Variants in STRIP2 observed in about 807,000 individuals in gnomAD.
The protein encoded by STRIP2 is striatin-interacting protein 2.
STRIP2 carries 84 observed loss-of-function variants against 107.1 expected under a neutral mutation model. That is an observed-to-expected ratio of 0.78 (90% CI 0.66 to 0.94). The LOEUF (loss-of-function observed/expected upper bound fraction) is 0.94, where lower values mean the gene tolerates loss of function less well. STRIP2 is among the 40% of genes least tolerant of loss of function. The probability of loss-of-function intolerance (pLI) is 0.00; values close to 1 mark genes in which losing one functional copy is unlikely to be tolerated. For missense variants in STRIP2, 888 were observed against 1,034.2 expected (o/e 0.86, Z 1.94); for synonymous variants, 394 against 400.4 (o/e 0.98, Z 0.19).
At position 129,470,657 on chromosome 7, in the gene STRIP2, T is replaced by A. The variant is rs61746947; in HGVS notation, c.1886T>A (p.Val629Asp). 48,211 of 1,613,548 alleles carry A rather than the reference T, an allele frequency of 0.03. 1,007 individuals are homozygous for A. Among genetic ancestry groups the A allele is most frequent in the Non-Finnish European group, 0.033 (39,143 of 1,179,464 alleles). The change falls in exon 18 of 21, where the codon GTC (valine) becomes GAC (aspartate). Residue 629 changes from valine to aspartate, a missense_variant. Physicochemically the swap from Val to Asp is radical, Grantham distance 152. Transcript: ENST00000249344. ...ATCTCTGCATCTTACAGCATCTCAG[T>A]CCTGGATTATCCTTGCTGTACCATC... ...SYITAKNSIS[V>D]LDYPCCTIQD...
chr7:129,458,655 T>C lies in STRIP2; in HGVS notation c.1275-57T>C, dbSNP rs1798437597. On this transcript the variant is annotated intron_variant, in intron 10 of 20. Coordinates refer to ENST00000249344, the MANE Select transcript of STRIP2 (RefSeq NM_020704.3). This position sits in a 1 kb window ranked among gnomAD's most constrained non-coding sequence, Gnocchi z 4.6. ...GATAGGAGCCCGGAAAGTTTTTCTC[T>C]CTCAAAGTTTGCTTTTCTTCCCTTC... 6.2e-7 allele frequency: 1 copy of C among 1,601,014 alleles called. No individual in the cohort carries two copies. The highest frequency in any genetic ancestry group is 1.1e-5 in the South Asian group (1 of 90,546).
chr7:129,461,100 G>A lies in STRIP2; in HGVS notation c.1476+728G>A, dbSNP rs576731843. Among the ~76,000 whole-genome samples, 2 of 152,338 alleles carry A rather than the reference G, an allele frequency of 1.3e-5. No individual in the cohort carries two copies. Among genetic ancestry groups the A allele is most frequent in the South Asian group, 4.1e-4 (2 of 4,826 alleles). Reference sequence around the variant, plus strand: ...AATAGTCAAGGTGAGAGATGATGCCGACCTGGATTTGGAGATGTAGCTGAC... The same window carrying A: ...AATAGTCAAGGTGAGAGATGATGCCAACCTGGATTTGGAGATGTAGCTGAC... On this transcript the variant is annotated intron_variant, in intron 13 of 20. Coordinates refer to ENST00000249344, the MANE Select transcript of STRIP2 (RefSeq NM_020704.3). The surrounding 1 kb of genome is among the most constrained non-coding windows in gnomAD (Gnocchi z 4.0).
chr7:129,458,353 G>C lies in STRIP2; in HGVS notation c.1177G>C (p.Glu393Gln), dbSNP rs1584950931. 6.2e-7 allele frequency: 1 copy of C among 1,614,158 alleles called. No individual in the cohort carries two copies. The highest frequency in any genetic ancestry group is 1.7e-4 in the Middle Eastern group (1 of 6,060). The change falls in exon 10 of 21, where the codon GAG becomes CAG. Residue 393 changes from glutamate (E) to glutamine (Q), a missense_variant. Transcript: ENST00000249344. This position sits in a 1 kb window ranked among gnomAD's most constrained non-coding sequence, Gnocchi z 4.6. ...CTTGGATGGAGAGCTAGACCTGCTA[G>C]AGCAGGACCCTCTGGTGCCACCTCC... The part of the protein sequence containing the change: ...RTLDGELDLL[E>Q]QDPLVPPPPS...
At chr7:129,478,297 G>A (rs1799024218) in intron 18 of STRIP2, among the ~76,000 whole-genome samples, 2 of 152,174 alleles carry the variant, frequency 1.3e-5, no homozygotes, top group African/African-American at 4.8e-5. Flanking sequence ...ATCACCTGAG[G>A]TCAGGAGTTC....
intron 17 of STRIP2, among the ~76,000 whole-genome samples, chr7:129,469,099 T>C (rs1798735608): frequency 6.6e-6 from 1 of 152,232 alleles, no homozygotes; most frequent in Non-Finnish European, 1.5e-5. Flanking sequence ...AGATCAACTG[T>C]GGCTAGGGGA....
At chr7:129,444,785 A>T (rs879688034) in intron 3 of STRIP2, among the ~76,000 whole-genome samples, 1 of 152,186 alleles carries the variant, frequency 6.6e-6, no homozygotes, top group Non-Finnish European at 1.5e-5. Context: ...TACAACTGGA[A>T]ACTCACCAAT....
intron 1 of STRIP2, 110 bp downstream of exon 1, chr7:129,434,711 C>T: frequency 7.9e-7 from 1 of 1,271,244 alleles, no homozygotes; most frequent in Non-Finnish European, 1.0e-6. Flanking sequence ...CTCGATCAGC[C>T]CCGCGCAGTG....
intron 18 of STRIP2, 52 bp downstream of exon 18, chr7:129,470,767 G>C (rs530113446): frequency 1.3e-6 from 2 of 1,499,382 alleles, no homozygotes; most frequent in African/African-American, 2.7e-5. Context: ...AGCACAGGTT[G>C]GCATTTGCTC....
chr7:129,445,717 G>A (rs1262683506), intron 3 of STRIP2, among the ~76,000 whole-genome samples: 1 of 152,206 alleles, frequency 6.6e-6, no homozygotes, highest in African/African-American at 2.4e-5. Context: ...GCTTCAGGAT[G>A]ATGGGGAACA....
intron 2 of STRIP2, 126 bp from the exon 3 acceptor site, chr7:129,443,898 C>A: frequency 2.8e-6 from 2 of 723,772 alleles, no homozygotes; most frequent in South Asian, 3.2e-5. Flanking sequence ...AAGGAGGAAG[C>A]TAGCTTTGGA....
At chr7:129,470,544 T>C in intron 17 of STRIP2, 105 bp from the exon 18 acceptor site, 1 of 924,654 alleles carries the variant, frequency 1.1e-6, no homozygotes, top group Admixed American at 1.9e-5. Flanking sequence ...ATTTGGGAAA[T>C]GGATAGGGGC....
Position 129,464,657 on chromosome 7 carries a change from G to C in STRIP2, c.1695G>C (p.Arg565Ser). 1 of 1,613,986 alleles carries C rather than the reference G, an allele frequency of 6.2e-7. No individual in the cohort carries two copies. Among genetic ancestry groups the C allele is most frequent in the Non-Finnish European group, 8.5e-7 (1 of 1,179,946 alleles). Residue 565 changes from arginine to serine, a missense_variant, in exon 16 of 21, where the codon AGG (arginine) becomes AGC (serine). Physicochemically the swap from Arg to Ser is moderately radical, Grantham distance 110. Transcript: ENST00000249344. ...TGAAGCTGGGCATCGATGTGAACAG[G>C]CACAAGGAGATTATTGTAAAGAGTA... ...QSMKLGIDVN[R>S]HKEIIVKSIS...
intron 18 of STRIP2, among the ~76,000 whole-genome samples, chr7:129,474,229 C>T (rs554539050): frequency 5.3e-5 from 8 of 151,820 alleles, no homozygotes; most frequent in Non-Finnish European, 1.0e-4. Context: ...CAGTCTTGAC[C>T]TCCCAGGGTC....
rs1350987463 is a variant in STRIP2 at position 129,486,010 on chromosome 7, A to G, written c.*181A>G. 2 of 644,916 alleles carry G rather than the reference A, an allele frequency of 3.1e-6. No individual in the cohort carries two copies. Among genetic ancestry groups the G allele is most frequent in the African/African-American group, 3.6e-5 (2 of 54,804 alleles). 39.9% of individuals were successfully genotyped at this position (644,916 alleles called of 1,614,324 possible). ...AAAATGATCAACTTGCCCTGGGGTC[A>G]GTTGGGTGCCCAGTTGGCCTTGGAA... On this transcript the variant is annotated 3_prime_UTR_variant, in exon 21 of 21. Transcript: ENST00000249344.
chr7:129,457,993 T>A, intron 9 of STRIP2: 1 of 582,240 alleles, frequency 1.7e-6, no homozygotes, highest in Non-Finnish European at 3.1e-6. Context: ...TTATCTATGC[T>A]ATGTTCCCTG....
intron 4 of STRIP2, 28 bp from the exon 5 acceptor site, chr7:129,453,199 C>T: frequency 6.2e-7 from 1 of 1,613,560 alleles, no homozygotes; most frequent in Non-Finnish European, 8.5e-7. Context: ...CACCCCTCAA[C>T]CCCTGTAACA....
intron 18 of STRIP2, among the ~76,000 whole-genome samples, chr7:129,474,774 A>T (rs1471760642): frequency 6.6e-6 from 1 of 152,168 alleles, no homozygotes; most frequent in Admixed American, 6.5e-5. Flanking sequence ...AGCCTCCCAA[A>T]GTGCTGGGAT....
rs745593154 is a variant in STRIP2, at chr7:129,456,558, C to G, written c.954C>G (p.Ser318=). The G allele has an allele frequency of 6.2e-7, 1 of 1,614,094 alleles. No individual in the cohort carries two copies. The highest frequency in any genetic ancestry group is 1.1e-5 in the South Asian group (1 of 91,074). The change falls in exon 9 of 21, where the codon TCC becomes TCG. Residue 318 remains serine (S), a synonymous_variant. Coordinates refer to ENST00000249344, the MANE Select transcript of STRIP2 (RefSeq NM_020704.3). ...TGGTGAAGAGCATGCGTGCTGCCTCCCCGCCCTCTTACACTCTTGACCTGG... is the reference window on the plus strand; with the variant it reads ...TGGTGAAGAGCATGCGTGCTGCCTCGCCGCCCTCTTACACTCTTGACCTGG... ...IQVVKSMRAA[S]PPSYTLDLGE...
intron 4 of STRIP2, 32 bp downstream of exon 4, chr7:129,451,779 G>T (rs749939626): frequency 1.2e-6 from 2 of 1,611,668 alleles, no homozygotes; most frequent in Admixed American, 3.3e-5. Context: ...CTTTAGAGGG[G>T]TGGAGGCTTG....
Sources: gnomAD v4.1 joint callset for allele counts (sites outside exome capture counted in the v4.1 genomes callset) on GRCh38, gnomAD v4.1.1 for gene constraint, Gnocchi (gnomAD v3.1) non-coding constraint, MANE v1.5 for transcripts, NCBI Gene and HGNC (gene_info 2026-07-23, HGNC 2026-07-21) for gene names.